DHX29: variants seen among roughly 807,000 people sequenced by gnomAD.
DHX29 encodes DExH-box helicase 29.
Under a neutral mutation model 167.9 loss-of-function variants are expected in DHX29, and 79 were observed. The ratio of observed to expected loss-of-function variants is 0.47; its 90% CI spans 0.39 to 0.57. DHX29 has a LOEUF of 0.57. Among genes scored for constraint, DHX29 ranks in the 20% least tolerant of loss-of-function variants. DHX29 has a pLI of 0.00. For synonymous variants in DHX29, 530 were observed against 546.0 expected (o/e 0.97, Z 0.41); for missense variants, 1,347 against 1,593.4 (o/e 0.85, Z 2.63).
intron 8 of DHX29, 63 bp from the exon 9 acceptor site, chr5:55,285,924 A>C: frequency 1.5e-6 from 2 of 1,318,818 alleles, no homozygotes; most frequent in Non-Finnish European, 2.1e-6. Context: ...TCAGTGATCA[A>C]AGTCCTCTCT....
rs1370186802 is a variant in DHX29 at position 55,262,852 on chromosome 5, G to A, written c.3606C>T (p.Asn1202=). The A allele has an allele frequency of 2.5e-6, 4 of 1,614,002 alleles. No individual in the cohort carries two copies. Among genetic ancestry groups the A allele is most frequent in the Non-Finnish European group, 2.5e-6 (3 of 1,179,898 alleles). ...SSTTSTSWEG[N]RASQTLSFQE... is the part of the protein sequence containing the mutation. The stretch of plus-strand genomic sequence containing the variant: ...GGAATGAGAGGGTCTGTGAGGCTCT[G>A]TTTCCTTCCCAGCTGGTAGAAGTTG... Residue 1202 remains asparagine, a synonymous_variant, in exon 24 of 27, where the codon AAC becomes AAT. Coordinates refer to ENST00000251636, the MANE Select transcript of DHX29 (RefSeq NM_019030.4).
At chr5:55,294,712 C>T (rs191752939) in intron 5 of DHX29, 1 of 152,686 alleles carries the variant, frequency 6.5e-6, no homozygotes, top group African/African-American at 2.4e-5. Context: ...AGTGTTATTC[C>T]TTAAAAACAG....
At chr5:55,281,636 C>G in intron 11 of DHX29, 121 bp from the exon 12 acceptor site, 1 of 530,168 alleles carries the variant, frequency 1.9e-6, no homozygotes, top group Admixed American at 3.5e-5. Context: ...TAATCTAGTA[C>G]AATTTATTAT....
intron 12 of DHX29, 54 bp downstream of exon 12, chr5:55,281,318 T>C: frequency 7.0e-7 from 1 of 1,424,842 alleles, no homozygotes; most frequent in Non-Finnish European, 9.2e-7. Flanking sequence ...GAGTAACATC[T>C]TTTTAATACA....
Position 55,270,590 on chromosome 5 carries a change from T to C in DHX29, c.2981A>G (p.Tyr994Cys). Residue 994 changes from tyrosine (Y) to cysteine (C), a missense_variant, in exon 19 of 27, where the codon TAC becomes TGC. Physicochemically the swap from Tyr to Cys is radical, Grantham distance 194. Transcript: ENST00000251636. ...TGCTATGCCATACCTTTCTCTTGTG[T>C]ACATTCGGAAACAGAAGCCATCTCT... ...RVRDGFCFRM[Y>C]TRERFEGFMD... is the part of the protein sequence containing the mutation. 1 of 1,614,204 alleles carries C rather than the reference T, an allele frequency of 6.2e-7. No individual in the cohort carries two copies. Among genetic ancestry groups the C allele is most frequent in the South Asian group, 1.1e-5 (1 of 91,088 alleles).
In DHX29 at chr5:55,256,212, C is replaced by T; in HGVS notation, c.*276G>A. ...AGCTACAGATACCACAGACATAGGC[C>T]TTGCCCTTATTAACACAACGATGAG... is the stretch of plus-strand genomic sequence containing the variant. On this transcript the variant is annotated 3_prime_UTR_variant, in exon 27 of 27. Transcript: ENST00000251636. 3.9e-6 allele frequency: 1 copy of T among 255,732 alleles called. No homozygotes were observed. The highest frequency in any genetic ancestry group is 5.4e-5 in the South Asian group (1 of 18,410). The allele number at this position is 255,732 out of a possible 1,614,324, so 15.8% of individuals were successfully genotyped here. A position where few individuals can be genotyped will look rare whatever the true frequency, so the allele number is the denominator to read the frequency against.
intron 11 of DHX29, among the ~76,000 whole-genome samples, chr5:55,282,451 T>C (rs2111888933): frequency 6.6e-6 from 1 of 152,202 alleles, no homozygotes; most frequent in East Asian, 1.9e-4. Context: ...TGCCTTTTTT[T>C]TCCTCCTCTA....
chr5:55,276,513 T>A (rs1747124734), intron 13 of DHX29, 107 bp from the exon 14 acceptor site: 1 of 903,898 alleles, frequency 1.1e-6, no homozygotes, highest in East Asian at 2.9e-5. Flanking sequence ...AAATGTTAAT[T>A]TAGAATATTA....
At chr5:55,259,398 T>C (rs1050558453) in intron 26 of DHX29, among the ~76,000 whole-genome samples, 2 of 152,208 alleles carry the variant, frequency 1.3e-5, no homozygotes, top group African/African-American at 4.8e-5. Context: ...TGCTTTAGTA[T>C]ACTCCAATGT....
At position 55,281,409 on chromosome 5, in the gene DHX29, C is replaced by T. The variant is rs1747405741; in HGVS notation, c.2072G>A (p.Gly691Asp). 6.2e-7 allele frequency: 1 copy of T among 1,601,836 alleles called. No individual in the cohort carries two copies. Among genetic ancestry groups the T allele is most frequent in the African/African-American group, 1.3e-5 (1 of 74,366 alleles). ...AACATGAGACACATTACTTAGAAGA[C>T]CATCTTCTTGAAGTTTCCTTAGCAA... ...GVLLRKLQED[G>D]LLSNVSHVIV... Residue 691 changes from glycine (G) to aspartate (D), a missense_variant, in exon 12 of 27, where the codon GGT (glycine) becomes GAT (aspartate). Around this residue, in one of 3 missense-constraint regions of DHX29, gnomAD observed 882 missense variants for 1,082.4 expected, o/e 0.81. Coordinates refer to ENST00000251636, the MANE Select transcript of DHX29 (RefSeq NM_019030.4).
chr5:55,258,234 T>C (rs1484784920), intron 26 of DHX29, among the ~76,000 whole-genome samples: 4 of 152,198 alleles, frequency 2.6e-5, no homozygotes, highest in Non-Finnish European at 5.9e-5. Flanking sequence ...AGTATTATTT[T>C]CCTCAAAACT....
intron 18 of DHX29, among the ~76,000 whole-genome samples, chr5:55,271,151 T>C (rs1281411375): frequency 6.6e-6 from 1 of 152,264 alleles, no homozygotes; most frequent in African/African-American, 2.4e-5. Flanking sequence ...TGGTACTCTC[T>C]TGCAAATATT....
At position 55,267,746 on chromosome 5, in the gene DHX29, G is replaced by C; in HGVS notation, c.3371C>G (p.Ala1124Gly). 1 of 1,609,924 alleles carries C rather than the reference G, an allele frequency of 6.2e-7. No individual in the cohort carries two copies. The highest frequency in any genetic ancestry group is 1.7e-5 in the Admixed American group (1 of 59,788). The change falls in exon 22 of 27, where the codon GCA (alanine) becomes GGA (glycine). Residue 1124 changes from alanine (A) to glycine (G), a missense_variant. Transcript: ENST00000251636. ...PIGRKDEADL[A>G]KSALAMADSD... ...ATCCGCCATGGCCAAAGCTGATTTT[G>C]CAAGATCTGCTTCATCTTTTCGACC... is the stretch of plus-strand genomic sequence containing the variant.
At chr5:55,287,655 A>C (rs1168856801) in intron 8 of DHX29, among the ~76,000 whole-genome samples, 1 of 152,160 alleles carries the variant, frequency 6.6e-6, no homozygotes, top group Non-Finnish European at 1.5e-5. Context: ...TCTTCTAAAA[A>C]CTATAATGTG....
At chr5:55,301,713 C>CAAAA (rs70992777) in intron 1 of DHX29, among the ~76,000 whole-genome samples, 35 of 64,720 alleles carry the variant, frequency 5.4e-4, no homozygotes, top group African/African-American at 1.2e-3. Context: ...AACTCCATCT[C>CAAAA]AAAAAAAAAA....
chr5:55,285,466 TA>T lies in DHX29; in HGVS notation c.1233-51del, dbSNP rs529783300. 4.3e-5 allele frequency: 66 copies of T among 1,522,838 alleles called. 1 individual carries two copies. The Admixed American group carries it at 1.0e-3, about 23-fold the overall frequency. The allele number at this position is 1,522,838 out of a possible 1,614,324, so 94.3% of individuals were successfully genotyped here. A position where few individuals can be genotyped will look rare whatever the true frequency, so the allele number is the denominator to read the frequency against. Reference sequence around the variant, plus strand: ...AAAAAATAAAGTTGACAAAGTCAGATAAAAAAAACTCAGAATTCCATTAACA... The same window carrying T: ...AAAAAATAAAGTTGACAAAGTCAGATAAAAAAACTCAGAATTCCATTAACA... On this transcript the variant is annotated intron_variant, in intron 9 of 26. Transcript: ENST00000251636.
intron 2 of DHX29, 93 bp downstream of exon 2, chr5:55,298,497 AC>A: frequency 1.4e-6 from 1 of 718,364 alleles, no homozygotes; most frequent in African/African-American, 1.8e-5. Context: ...AATTTAAAAC[AC>A]CCCATCATTT....
chr5:55,272,421 T>C (rs1746897634), intron 17 of DHX29, among the ~76,000 whole-genome samples: 1 of 152,156 alleles, frequency 6.6e-6, no homozygotes, highest in African/African-American at 2.4e-5. Flanking sequence ...CCCCTAATTC[T>C]AGTCAATCTC....
rs886268166 is a variant in DHX29 at position 55,270,506 on chromosome 5, C to T, written c.2994-19G>A. 1 of 1,613,094 alleles carries T rather than the reference C, an allele frequency of 6.2e-7. No homozygotes were observed. The highest frequency in any genetic ancestry group is 8.5e-7 in the Non-Finnish European group (1 of 1,179,750). On this transcript the variant is annotated intron_variant, in intron 19 of 26. Coordinates refer to ENST00000251636, the MANE Select transcript of DHX29 (RefSeq NM_019030.4). ...TTCAAATCTGAAAAATAAAGTAATACTAAATACATATTATCAGAAATGTCA... is the reference window on the plus strand; with the variant it reads ...TTCAAATCTGAAAAATAAAGTAATATTAAATACATATTATCAGAAATGTCA...
Sources: gnomAD v4.1 joint callset for allele counts (sites outside exome capture counted in the v4.1 genomes callset) on GRCh38, gnomAD v4.1.1 for gene constraint, gnomAD v4.1.1 regional missense constraint, MANE v1.5 for transcripts, NCBI Gene and HGNC (gene_info 2026-07-23, HGNC 2026-07-21) for gene names.